Variants in RUNX1 observed in about 807,000 individuals in gnomAD.
RUNX1 encodes RUNX family transcription factor 1, also known as runt-related transcription factor 1.
RUNX1 carries 19 observed loss-of-function variants against 42.8 expected under a neutral mutation model. That is an observed-to-expected ratio of 0.44 (90% CI 0.31 to 0.65). RUNX1 has a LOEUF of 0.65. Ranked by LOEUF, RUNX1 falls within the 30% of genes least tolerant of loss-of-function variation. The pLI, the probability that RUNX1 is intolerant of heterozygous loss-of-function variation, is 0.07. For missense variants in RUNX1, 528 were observed against 672.0 expected, an observed-to-expected ratio of 0.79 and a Z score of 2.37; for synonymous variants, 271 against 289.4, an observed-to-expected ratio of 0.94 and a Z score of 0.64.
chr21:35,028,106 A>C (rs557971932), intron 2 of RUNX1, among the ~76,000 whole-genome samples: 1 of 152,332 alleles, frequency 6.6e-6, no homozygotes, highest in East Asian at 1.9e-4. Context: ...AGTTTTGCTT[A>C]GGCCTGAAGT....
chr21:34,865,195 A>C (rs1477255139), intron 5 of RUNX1, among the ~76,000 whole-genome samples: 4 of 152,128 alleles, frequency 2.6e-5, no homozygotes, highest in African/African-American at 7.2e-5. Context: ...GTGATTCCAC[A>C]AAGACCAGAG....
chr21:34,820,746 A>G (rs2056896654), intron 7 of RUNX1, among the ~76,000 whole-genome samples: 1 of 152,140 alleles, frequency 6.6e-6, no homozygotes, highest in African/African-American at 2.4e-5. Flanking sequence ...GGGACCTAGC[A>G]TCTCCCTGAG....
At chr21:34,916,599 A>AGAT (rs920015303) in intron 2 of RUNX1, among the ~76,000 whole-genome samples, 1 of 152,060 alleles carries the variant, frequency 6.6e-6, no homozygotes, top group Non-Finnish European at 1.5e-5. Flanking sequence ...TCGGAGGAGG[A>AGAT]GATGATGACT....
intron 8 of RUNX1, among the ~76,000 whole-genome samples, chr21:34,798,688 A>G (rs1214067662): frequency 1.3e-5 from 2 of 152,206 alleles, no homozygotes; most frequent in Non-Finnish European, 2.9e-5. Context: ...CAGTATAACA[A>G]GTATTTACAT....
rs560805755 is a variant in RUNX1 at position 34,854,550 on chromosome 21, A to G, written c.613+4924T>C. ...CAGTGAGCCAAGATCGCACCACTGC[A>G]CTCCAGCATGGGCAACAGAGTGAGA... is the stretch of plus-strand genomic sequence containing the variant. On this transcript the variant is annotated intron_variant, in intron 6 of 8. Coordinates refer to ENST00000675419, the MANE Select transcript of RUNX1 (RefSeq NM_001754.5). Among the ~76,000 whole-genome samples the G allele has an allele frequency of 2.7e-4, 41 of 151,486 alleles. No homozygotes were observed. In the East Asian group the frequency reaches 6.0e-3, roughly 22 times the overall value.
chr21:34,796,777 T>G (rs1267967417), intron 8 of RUNX1, among the ~76,000 whole-genome samples: 4 of 152,014 alleles, frequency 2.6e-5, no homozygotes, highest in African/African-American at 9.7e-5. Flanking sequence ...GTCGCCCAGG[T>G]TGGCAGCTAA....
chr21:34,951,505 T>A (rs2058607406), intron 2 of RUNX1, among the ~76,000 whole-genome samples: 1 of 152,132 alleles, frequency 6.6e-6, no homozygotes, highest in South Asian at 2.1e-4. Context: ...ATATCCAGAA[T>A]CTGTGAAGAA....
At chr21:34,834,825 C>T (rs1385141740) in intron 6 of RUNX1, among the ~76,000 whole-genome samples, 2 of 152,096 alleles carry the variant, frequency 1.3e-5, no homozygotes, top group African/African-American at 2.4e-5. Context: ...ACAGAGTGCT[C>T]CCCCAGTCTG....
chr21:34,976,250 A>G (rs1601627135), intron 2 of RUNX1, among the ~76,000 whole-genome samples: 1 of 152,334 alleles, frequency 6.6e-6, no homozygotes, highest in African/African-American at 2.4e-5. Context: ...GTTAGTATTT[A>G]TTAGCACATA....
chr21:35,047,534 C>G (rs2059405542), intron 2 of RUNX1, among the ~76,000 whole-genome samples: 1 of 131,944 alleles, frequency 7.6e-6, no homozygotes, highest in South Asian at 2.7e-4. Context: ...CACACACACA[C>G]ACACACACAC....
rs138870513 is a variant in RUNX1, at chr21:34,911,961, A to G, written c.59-18998T>C. Among the ~76,000 whole-genome samples, 683 of 151,904 alleles carry G rather than the reference A, an allele frequency of 4.5e-3. 2 individuals carry two copies. Among genetic ancestry groups the G allele is most frequent in the Middle Eastern group, 0.02 (6 of 294 alleles). The stretch of plus-strand genomic sequence containing the variant: ...TCCCTACCCCTGAACCATCACAACT[A>G]TCATGTCACATGCACGGGTTTCTTT... On this transcript the variant is annotated intron_variant, in intron 2 of 8. Coordinates refer to ENST00000675419, the MANE Select transcript of RUNX1 (RefSeq NM_001754.5).
intron 2 of RUNX1, among the ~76,000 whole-genome samples, chr21:34,969,399 GAA>G (rs112140241): frequency 6.9e-6 from 1 of 145,236 alleles, no homozygotes; most frequent in African/African-American, 2.5e-5. Context: ...GGCCAACAGA[GAA>G]AAAAAAAACA....
intron 2 of RUNX1, among the ~76,000 whole-genome samples, chr21:34,993,812 C>CACAG (rs2058972172): frequency 6.6e-6 from 1 of 150,790 alleles, no homozygotes; most frequent in Non-Finnish European, 1.5e-5. Flanking sequence ...CAGACACACA[C>CACAG]ACACACATAC....
At chr21:34,852,968 C>T (rs939048719) in intron 6 of RUNX1, among the ~76,000 whole-genome samples, 7 of 152,204 alleles carry the variant, frequency 4.6e-5, no homozygotes, top group African/African-American at 1.7e-4. Flanking sequence ...CAAAGAGTGA[C>T]ACATCTTTTC....
At chr21:35,042,437 G>C (rs533375146) in intron 2 of RUNX1, among the ~76,000 whole-genome samples, 1 of 152,200 alleles carries the variant, frequency 6.6e-6, no homozygotes, top group South Asian at 2.1e-4. Context: ...CTGGGTTCAC[G>C]AGACATCTGC....
intron 2 of RUNX1, among the ~76,000 whole-genome samples, chr21:34,969,579 A>T (rs1293169406): frequency 3.3e-5 from 5 of 152,170 alleles, no homozygotes; most frequent in African/African-American, 1.2e-4. Flanking sequence ...AGCGAGAGGC[A>T]CTTTGTACTT....
chr21:34,984,819 G>T (rs908446826), intron 2 of RUNX1, among the ~76,000 whole-genome samples: 1 of 152,202 alleles, frequency 6.6e-6, no homozygotes, highest in African/African-American at 2.4e-5. Context: ...GTCACATGAA[G>T]ATGCAGATAG....
intron 2 of RUNX1, among the ~76,000 whole-genome samples, chr21:35,040,770 CCA>C (rs553901364): frequency 0.25 from 12,582 of 50,604 alleles, 1,132 homozygotes; most frequent in Non-Finnish European, 0.28. Flanking sequence ...TAGACTCCAT[CCA>C]AAAAAAAAAA....
At chr21:34,884,829 G>C (rs1442589941) in intron 4 of RUNX1, among the ~76,000 whole-genome samples, 1 of 152,094 alleles carries the variant, frequency 6.6e-6, no homozygotes, top group East Asian at 1.9e-4. Context: ...GGATCTGCTT[G>C]AACTTTTTTC....
Sources: allele counts gnomAD v4.1 joint callset (sites outside exome capture counted in the v4.1 genomes callset), GRCh38; gene constraint gnomAD v4.1.1; transcripts MANE v1.5; gene names NCBI Gene and HGNC (gene_info 2026-07-23, HGNC 2026-07-21).